The following MPP4 variants were observed in gnomAD, a reference collection of about 807,000 sequenced individuals.
MPP4 encodes MAGUK p55 scaffold protein 4, also known as MAGUK p55 subfamily member 4.
A neutral mutation model predicts 98.3 loss-of-function variants in MPP4; 91 were observed. The observed-to-expected ratio is 0.93, with a 90% CI of 0.78 to 1.10. MPP4 has a LOEUF of 1.10. Among genes scored for constraint, MPP4 ranks in the 50% least tolerant of loss-of-function variants. MPP4 has a pLI of 0.00. For synonymous variants in MPP4, 261 were observed against 271.8 expected (o/e 0.96, Z 0.39); for missense variants, 744 against 792.9 (o/e 0.94, Z 0.74).
Position 201,692,919 on chromosome 2 carries a change from C to T in MPP4, c.190G>A (p.Ala64Thr). 1 of 1,608,438 alleles carries T rather than the reference C, an allele frequency of 6.2e-7. No homozygotes were observed. Among genetic ancestry groups the T allele is most frequent in the Non-Finnish European group, 8.5e-7 (1 of 1,177,568 alleles). Residue 64 changes from alanine (A) to threonine (T), a missense_variant, in exon 3 of 22, where the codon GCT becomes ACT. Physicochemically the swap from Ala to Thr is moderately conservative, Grantham distance 58 (BLOSUM62 0). Transcript: ENST00000409474. ...YDLLHSPWLQ[A>T]LLKIYDCLQE... Reference sequence around the variant, plus strand: ...AAAGAAGCACTCACCTTTAGCAGAGCCTGAAGCCACGGCGAGTGGAGGAGA... The same window carrying T: ...AAAGAAGCACTCACCTTTAGCAGAGTCTGAAGCCACGGCGAGTGGAGGAGA...
At chr2:201,668,981 A>G (rs953806264) in intron 12 of MPP4, among the ~76,000 whole-genome samples, 5 of 152,070 alleles carry the variant, frequency 3.3e-5, no homozygotes, top group African/African-American at 1.2e-4. Context: ...TTCAAAAGTC[A>G]TCTTGCAGTT....
In MPP4 at chr2:201,685,126, T is replaced by C. The variant is rs1183545344; in HGVS notation, c.512A>G (p.His171Arg). 1 of 1,611,152 alleles carries C rather than the reference T, an allele frequency of 6.2e-7. No individual in the cohort carries two copies. Among genetic ancestry groups the C allele is most frequent in the Admixed American group, 1.7e-5 (1 of 59,760 alleles). The change falls in exon 7 of 22, where the codon CAC (histidine) becomes CGC (arginine). Residue 171 changes from histidine (H) to arginine (R), a missense_variant. Transcript: ENST00000409474. Reference protein sequence around the residue: ...QQPLGATIKRHEMTGDILVAR... With the variant: ...QQPLGATIKRREMTGDILVAR... Reference sequence around the variant, plus strand: ...CACCAAGATGTCCCCTGTCATCTCGTGGCGCTTGATGGTGGCTCCCTGAAG... The same window carrying C: ...CACCAAGATGTCCCCTGTCATCTCGCGGCGCTTGATGGTGGCTCCCTGAAG...
chr2:201,661,220 CTT>C (rs11400020), intron 14 of MPP4, among the ~76,000 whole-genome samples: 13 of 140,664 alleles, frequency 9.2e-5, no homozygotes, highest in East Asian at 2.1e-4. Context: ...CATATCCAGC[CTT>C]TTTTTTTTTT....
intron 6 of MPP4, among the ~76,000 whole-genome samples, chr2:201,685,366 C>T (rs894802184): frequency 6.6e-6 from 1 of 152,220 alleles, no homozygotes; most frequent in Non-Finnish European, 1.5e-5. Context: ...AGGGGCCACA[C>T]AGTGCCCTGT....
At chr2:201,696,302 A>G (rs933312221) in intron 1 of MPP4, among the ~76,000 whole-genome samples, 6 of 152,180 alleles carry the variant, frequency 3.9e-5, no homozygotes, top group Non-Finnish European at 5.9e-5. Flanking sequence ...TTTTGACTCT[A>G]TTGAATCATT....
intron 3 of MPP4, among the ~76,000 whole-genome samples, chr2:201,691,153 T>A (rs1249701985): frequency 6.6e-6 from 1 of 152,186 alleles, no homozygotes; most frequent in Non-Finnish European, 1.5e-5. Flanking sequence ...GCAATGCCCA[T>A]CATGAAATTA....
chr2:201,696,561 ATTTC>A (rs1275327784), intron 1 of MPP4, among the ~76,000 whole-genome samples: 1 of 152,260 alleles, frequency 6.6e-6, no homozygotes, highest in Admixed American at 6.5e-5. Flanking sequence ...GGTGGACCAC[ATTTC>A]TGCCATATTT....
chr2:201,649,954 A>T, intron 19 of MPP4, 118 bp downstream of exon 19: 1 of 1,050,844 alleles, frequency 9.5e-7, no homozygotes, highest in Non-Finnish European at 1.4e-6. Flanking sequence ...TTTCTTGCTT[A>T]ACTCCTCAGA....
chr2:201,647,420 G>C (rs1559594433), intron 21 of MPP4, among the ~76,000 whole-genome samples: 1 of 152,100 alleles, frequency 6.6e-6, no homozygotes, highest in Non-Finnish European at 1.5e-5. Flanking sequence ...ATATCTGTAA[G>C]TGATGTCCAT....
chr2:201,656,481 C>G, intron 16 of MPP4, 113 bp from the exon 17 acceptor site: 2 of 1,058,686 alleles, frequency 1.9e-6, no homozygotes, highest in Non-Finnish European at 2.6e-6. Flanking sequence ...TTAATATAGT[C>G]AGGTCTGTCT....
intron 17 of MPP4, among the ~76,000 whole-genome samples, chr2:201,655,293 C>A (rs1687819041): frequency 6.6e-6 from 1 of 152,162 alleles, no homozygotes; most frequent in East Asian, 1.9e-4. Context: ...CCAGCATCAA[C>A]AATTATAGGT....
chr2:201,680,882 A>G lies in MPP4; in HGVS notation c.885T>C (p.Pro295=), dbSNP rs1688645846. The change falls in exon 10 of 22, where the codon CCT becomes CCC. Residue 295 remains proline (P), a synonymous_variant. Coordinates refer to ENST00000409474, the MANE Select transcript of MPP4 (RefSeq NM_033066.3). Reference sequence around the variant, plus strand: ...AAGGGACAAGCCCAGCGCAGGTAGCAGGGTCTGAGATTTTTCGGGCCTGCC... The same window carrying G: ...AAGGGACAAGCCCAGCGCAGGTAGCGGGGTCTGAGATTTTTCGGGCCTGCC... ...LWWQARKISD[P]ATCAGLVPSN... The G allele has an allele frequency of 1.2e-6, 2 of 1,613,614 alleles. No homozygotes were observed. Among genetic ancestry groups the G allele is most frequent in the Non-Finnish European group, 1.7e-6 (2 of 1,179,776 alleles).
intron 5 of MPP4, among the ~76,000 whole-genome samples, chr2:201,686,627 C>G (rs554444136): frequency 2.7e-4 from 41 of 152,300 alleles, no homozygotes; most frequent in African/African-American, 9.9e-4. Context: ...GAAGCTGTCA[C>G]TCTGCCACCC....
At chr2:201,656,968 G>A (rs1356899920) in intron 16 of MPP4, among the ~76,000 whole-genome samples, 1 of 152,208 alleles carries the variant, frequency 6.6e-6, no homozygotes, top group African/African-American at 2.4e-5. Context: ...ATAGGGTCAG[G>A]GAAGTGGCTG....
chr2:201,685,609 A>T (rs1688806708), intron 6 of MPP4, among the ~76,000 whole-genome samples: 1 of 152,266 alleles, frequency 6.6e-6, no homozygotes, highest in South Asian at 2.1e-4. Flanking sequence ...ATTGAGGGAA[A>T]TACATGCATA....
At chr2:201,695,762 T>TC (rs2105953296) in intron 1 of MPP4, among the ~76,000 whole-genome samples, 1 of 152,282 alleles carries the variant, frequency 6.6e-6, no homozygotes, top group East Asian at 1.9e-4. Context: ...TTCTGACTCT[T>TC]CCAGCATGCA....
intron 8 of MPP4, among the ~76,000 whole-genome samples, chr2:201,682,079 AT>A (rs1688679960): frequency 6.6e-6 from 1 of 152,184 alleles, no homozygotes; most frequent in South Asian, 2.1e-4. Context: ...GGAAGGAAGA[AT>A]TCCCCTGTTA....
At chr2:201,688,520 A>G (rs10439330) in intron 4 of MPP4, among the ~76,000 whole-genome samples, 15,617 of 152,212 alleles carry the variant, frequency 0.1, 929 homozygotes, top group African/African-American at 0.16. Context: ...TGAGGGACAG[A>G]TCAGGTATAT....
intron 15 of MPP4, among the ~76,000 whole-genome samples, chr2:201,659,975 G>A (rs1350940181): frequency 6.6e-6 from 1 of 151,788 alleles, no homozygotes. Context: ...TCCATCTTCT[G>A]GTAAGTAAGT....
Sources: allele counts gnomAD v4.1 joint callset (sites outside exome capture counted in the v4.1 genomes callset), GRCh38; gene constraint gnomAD v4.1.1; transcripts MANE v1.5; gene names NCBI Gene and HGNC (gene_info 2026-07-23, HGNC 2026-07-21).